DCBLD2: variants seen among roughly 807,000 people sequenced by gnomAD.
DCBLD2 encodes discoidin, CUB and LCCL domain containing 2, also known as discoidin, CUB and LCCL domain-containing protein 2.
A neutral mutation model predicts 86.8 loss-of-function variants in DCBLD2; 54 were observed. The ratio of observed to expected loss-of-function variants is 0.62; its 90% confidence interval spans 0.50 to 0.78. The LOEUF is 0.78. Ranked by LOEUF, DCBLD2 falls within the 30% of genes least tolerant of loss-of-function variation. The pLI is 0.00. For synonymous variants in DCBLD2, 354 were observed against 341.3 expected (o/e 1.04, Z -0.41); for missense variants, 908 against 954.2 (o/e 0.95, Z 0.64).
At position 98,881,701 on chromosome 3, in the gene DCBLD2, T is replaced by C. The variant is rs771278022; in HGVS notation, c.272A>G (p.Gln91Arg). 4.3e-6 allele frequency: 7 copies of C among 1,613,866 alleles called. No homozygotes were observed. The highest frequency in any genetic ancestry group is 5.1e-6 in the Non-Finnish European group (6 of 1,179,896). ...SGTLTSINYP[Q>R]TYPNSTVCEW... ...ACAAACAGTGCTGTTGGGATAGGTC[T>C]GTGGGTAGTTTATGGATGTAAGGGT... Residue 91 changes from glutamine to arginine, a missense_variant, in exon 2 of 16, where the codon CAG (glutamine) becomes CGG (arginine). Transcript: ENST00000326840.
chr3:98,807,408 C>G (rs1941860906), intron 13 of DCBLD2, among the ~76,000 whole-genome samples: 1 of 152,122 alleles, frequency 6.6e-6, no homozygotes, highest in Non-Finnish European at 1.5e-5. Flanking sequence ...CAGGAAAGGC[C>G]TGAGAGAGCG....
intron 1 of DCBLD2, 88 bp from the exon 2 acceptor site, chr3:98,881,855 C>T: frequency 7.8e-7 from 1 of 1,282,312 alleles, no homozygotes; most frequent in Admixed American, 2.2e-5. Context: ...TAAAAATATG[C>T]ACGACATCAA....
rs200621366 is a variant in DCBLD2 at position 98,811,485 on chromosome 3, G to A, written c.1433C>T (p.Pro478Leu). 2,122 of 1,613,572 alleles carry A rather than the reference G, an allele frequency of 1.3e-3. 2 individuals carry two copies. Among genetic ancestry groups the A allele is most frequent in the Non-Finnish European group, 1.5e-3 (1,790 of 1,179,636 alleles). ...AGGCATACCTTTGGCTATTTTTGGA[G>A]GGGCTGTAGTGTTTTTGAGGTCATT... ...NSNDLKNTTA[P>L]PKIAKGRAPK... The change falls in exon 11 of 16, where the codon CCT becomes CTT. Residue 478 changes from proline (P) to leucine (L), a missense_variant. This residue lies in a region of DCBLD2 where 606 missense variants were observed against 678.5 expected (regional missense o/e 0.89). Coordinates refer to ENST00000326840, the MANE Select transcript of DCBLD2 (RefSeq NM_080927.4).
intron 2 of DCBLD2, among the ~76,000 whole-genome samples, chr3:98,861,699 C>A (rs1426031836): frequency 1.3e-5 from 2 of 151,938 alleles, no homozygotes; most frequent in African/African-American, 4.8e-5. Flanking sequence ...ACACAACATA[C>A]CAGAATCTCT....
chr3:98,829,844 A>G (rs1345105021), intron 3 of DCBLD2, among the ~76,000 whole-genome samples: 1 of 152,188 alleles, frequency 6.6e-6, no homozygotes, highest in African/African-American at 2.4e-5. Context: ...ACAATGGTTG[A>G]ACTTACACTC....
Position 98,901,413 on chromosome 3 carries a change from G to T in DCBLD2, c.-87C>A. 1 of 1,227,686 alleles carries T rather than the reference G, an allele frequency of 8.1e-7. No homozygotes were observed. Among genetic ancestry groups the T allele is most frequent in the Non-Finnish European group, 1.0e-6 (1 of 980,740 alleles). The allele number at this position is 1,227,686 out of a possible 1,614,324, so 76.0% of individuals were successfully genotyped here. On this transcript the variant is annotated 5_prime_UTR_variant, in exon 1 of 16. Coordinates refer to ENST00000326840, the MANE Select transcript of DCBLD2 (RefSeq NM_080927.4). ...CCGCGGCACCCGACCAGGAGACGGCGGCAGCGGCGGGAGAACAAGAGGCAG... is the reference window on the plus strand; with the variant it reads ...CCGCGGCACCCGACCAGGAGACGGCTGCAGCGGCGGGAGAACAAGAGGCAG...
At chr3:98,881,841 G>C in intron 1 of DCBLD2, 74 bp from the exon 2 acceptor site, 2 of 1,440,404 alleles carry the variant, frequency 1.4e-6, no homozygotes, top group Non-Finnish European at 1.9e-6. Context: ...TTTTTGTGAA[G>C]ATTTAAAAAT....
In DCBLD2 at chr3:98,817,421, G is replaced by A. The variant is rs529528032; in HGVS notation, c.1212+348C>T. ...TCTTGCCTACAGAGTAGAAATCTGG[G>A]AACAAAGGCTCTCCATCATCTGGTG... On this transcript the variant is annotated intron_variant, in intron 9 of 15. Coordinates refer to ENST00000326840, the MANE Select transcript of DCBLD2 (RefSeq NM_080927.4). 3.9e-5 allele frequency among the ~76,000 whole-genome samples: 6 copies of A among 152,060 alleles called. No individual in the cohort carries two copies. In the South Asian group the frequency reaches 1.2e-3, roughly 32 times the overall value.
At chr3:98,880,085 A>G (rs1276510567) in intron 2 of DCBLD2, among the ~76,000 whole-genome samples, 1 of 152,232 alleles carries the variant, frequency 6.6e-6, no homozygotes, top group African/African-American at 2.4e-5. Context: ...TCAACACCAT[A>G]TATTCATGCA....
At chr3:98,830,241 A>T (rs992704724) in intron 3 of DCBLD2, among the ~76,000 whole-genome samples, 1 of 152,144 alleles carries the variant, frequency 6.6e-6, no homozygotes, top group African/African-American at 2.4e-5. Context: ...CTTAATTTTA[A>T]TTAGATCCTA....
intron 3 of DCBLD2, among the ~76,000 whole-genome samples, chr3:98,836,631 T>C (rs1942458177): frequency 1.2e-5 from 1 of 80,580 alleles, no homozygotes; most frequent in Non-Finnish European, 2.9e-5. Context: ...ACGGGGCGGC[T>C]GGCCGGGCAG....
rs75902271 is a variant in DCBLD2, at chr3:98,828,477, T to C, written c.572-3111A>G. On this transcript the variant is annotated intron_variant, in intron 3 of 15. Transcript: ENST00000326840. Reference sequence around the variant, plus strand: ...AAAAGATGCTCAGCATCATTAGCCATCAGGGAAATGCAAATTAAAATCACA... The same window carrying C: ...AAAAGATGCTCAGCATCATTAGCCACCAGGGAAATGCAAATTAAAATCACA... Among the ~76,000 whole-genome samples, 739 of 152,170 alleles carry C rather than the reference T, an allele frequency of 4.9e-3. 5 individuals are homozygous for C. The highest frequency in any genetic ancestry group is 0.017 in the African/African-American group (694 of 41,516).
chr3:98,826,825 G>A (rs866549922), intron 3 of DCBLD2, among the ~76,000 whole-genome samples: 36 of 152,302 alleles, frequency 2.4e-4, no homozygotes, highest in African/African-American at 7.0e-4. Context: ...AATCACAAAA[G>A]TAAGTGATTT....
intron 2 of DCBLD2, among the ~76,000 whole-genome samples, chr3:98,876,801 C>T (rs1943379977): frequency 6.6e-6 from 1 of 152,144 alleles, no homozygotes; most frequent in Non-Finnish European, 1.5e-5. Flanking sequence ...AACTATGATA[C>T]ATCCACATGA....
At chr3:98,819,078 G>A in intron 8 of DCBLD2, 124 bp downstream of exon 8, 2 of 971,254 alleles carry the variant, frequency 2.1e-6, no homozygotes, top group Non-Finnish European at 3.0e-6. Context: ...CATCAGTGAA[G>A]AAAATATAAA....
At chr3:98,851,518 G>A (rs866169021) in intron 2 of DCBLD2, among the ~76,000 whole-genome samples, 5 of 152,050 alleles carry the variant, frequency 3.3e-5, no homozygotes, top group Middle Eastern at 6.8e-3. Flanking sequence ...ATGCCCAAAT[G>A]TATAGATTCA....
intron 10 of DCBLD2, 134 bp downstream of exon 10, chr3:98,812,198 C>A: frequency 8.1e-7 from 1 of 1,227,512 alleles, no homozygotes; most frequent in Non-Finnish European, 1.1e-6. Flanking sequence ...TTTTAACATC[C>A]CTTTAAGAAG....
At position 98,820,290 on chromosome 3, in the gene DCBLD2, T is replaced by TGAAAGA. The variant is rs769417274; in HGVS notation, c.831-8_831-3dup. The TGAAAGA allele has an allele frequency of 2.5e-5, 36 of 1,466,012 alleles. No individual in the cohort carries two copies. Among genetic ancestry groups the TGAAAGA allele is most frequent in the Non-Finnish European group, 2.9e-5 (32 of 1,108,560 alleles). 90.8% of individuals were successfully genotyped at this position (1,466,012 alleles called of 1,614,324 possible). ...AAAAGACTTGTAGATAAGTGTCCCC[T>TGAAAGA]GAAAGAGAGAAGGGTTTTTTTTGGT... On this transcript the variant is annotated splice_polypyrimidine_tract_variant and splice_region_variant and intron_variant, in intron 6 of 15. Transcript: ENST00000326840.
intron 3 of DCBLD2, among the ~76,000 whole-genome samples, chr3:98,836,459 C>A (rs1942450208): frequency 1.3e-5 from 2 of 152,010 alleles, no homozygotes. Context: ...AATTTGAGAT[C>A]CAGAACAAAA....
Sources: gnomAD v4.1 joint callset for allele counts (sites outside exome capture counted in the v4.1 genomes callset) on GRCh38, gnomAD v4.1.1 for gene constraint, gnomAD v4.1.1 regional missense constraint, MANE v1.5 for transcripts, NCBI Gene and HGNC (gene_info 2026-07-23, HGNC 2026-07-21) for gene names.